Variants in EFCAB14 observed in about 807,000 individuals in gnomAD.
EFCAB14 encodes the protein EF-hand calcium-binding domain-containing protein 14.
EFCAB14 carries 43 observed loss-of-function variants against 56.5 expected under a neutral mutation model. The observed-to-expected ratio is 0.76, with a 90% confidence interval of 0.60 to 0.98. The LOEUF is 0.98. EFCAB14 is among the 50% of genes least tolerant of loss of function. EFCAB14 has a pLI of 0.00. For missense variants in EFCAB14, 538 were observed against 580.3 expected (o/e 0.93, Z 0.75); for synonymous variants, 235 against 212.9 (o/e 1.10, Z -0.90).
chr1:46,694,649 C>A (rs1010673658), intron 4 of EFCAB14, among the ~76,000 whole-genome samples: 7 of 152,164 alleles, frequency 4.6e-5, no homozygotes, highest in South Asian at 4.1e-4. Flanking sequence ...ACTAGTTCAA[C>A]CATTGTGGAA....
intron 2 of EFCAB14, among the ~76,000 whole-genome samples, chr1:46,712,973 C>T (rs1057088141): frequency 2.0e-5 from 3 of 151,944 alleles, no homozygotes; most frequent in Non-Finnish European, 4.4e-5. Flanking sequence ...GAGATCATGC[C>T]ATTGCACTCC....
intron 3 of EFCAB14, among the ~76,000 whole-genome samples, chr1:46,705,337 A>C (rs1198254204): frequency 6.6e-6 from 1 of 152,228 alleles, no homozygotes; most frequent in African/African-American, 2.4e-5. Context: ...GTTTCACTGC[A>C]ATCTCTTCCA....
At chr1:46,679,261 T>A (rs1676748445) in intron 10 of EFCAB14, among the ~76,000 whole-genome samples, 1 of 152,200 alleles carries the variant, frequency 6.6e-6, no homozygotes, top group Non-Finnish European at 1.5e-5. Flanking sequence ...GAAAGTAACT[T>A]GCCTACGGTC....
chr1:46,684,559 T>C lies in EFCAB14; in HGVS notation c.1118A>G (p.Lys373Arg), dbSNP rs753006251. 1.7e-4 allele frequency: 280 copies of C among 1,614,028 alleles called. No homozygotes were observed. Among genetic ancestry groups the C allele is most frequent in the Non-Finnish European group, 2.3e-4 (276 of 1,180,002 alleles). Residue 373 changes from lysine (K) to arginine (R), a missense_variant, in exon 9 of 11, where the codon AAA (lysine) becomes AGA (arginine). Physicochemically the swap from Lys to Arg is conservative, Grantham distance 26. Transcript: ENST00000371933. ...SNSQVSKLRE[K>R]LQLISALTNK... ...TGTAAGAGCACTGATCAGCTGGAGT[T>C]TCTCTCTTAGCTTGGATACCTGAGA...
chr1:46,703,388 A>C (rs577871681), intron 3 of EFCAB14, among the ~76,000 whole-genome samples: 1 of 152,330 alleles, frequency 6.6e-6, no homozygotes, highest in South Asian at 2.1e-4. Context: ...GATTATAGGC[A>C]TAAGCCACTG....
At position 46,677,521 on chromosome 1, in the gene EFCAB14, C is replaced by T. The variant is rs1676714648; in HGVS notation, c.*940G>A. On this transcript the variant is annotated 3_prime_UTR_variant, in exon 11 of 11. Transcript: ENST00000371933. ...GAGATAATGGCTGGGGGAATTTAGCCCTGCCATTCAAATGGAGATGGTACT... is the reference window on the plus strand; with the variant it reads ...GAGATAATGGCTGGGGGAATTTAGCTCTGCCATTCAAATGGAGATGGTACT... The T allele has an allele frequency of 6.6e-6, 1 of 151,900 alleles. No homozygotes were observed. Among genetic ancestry groups the T allele is most frequent in the African/African-American group, 2.4e-5 (1 of 41,314 alleles). 9.4% of individuals were successfully genotyped at this position (151,900 alleles called of 1,614,324 possible). A position where few individuals can be genotyped will look rare whatever the true frequency, so the allele number is the denominator to read the frequency against.
chr1:46,711,105 G>C (rs1237909743), intron 2 of EFCAB14, among the ~76,000 whole-genome samples: 2 of 152,208 alleles, frequency 1.3e-5, no homozygotes, highest in Non-Finnish European at 2.9e-5. Flanking sequence ...AAACATGGGG[G>C]TGTGGATGTT....
chr1:46,679,339 C>A (rs1041614761), intron 10 of EFCAB14, among the ~76,000 whole-genome samples: 1 of 152,174 alleles, frequency 6.6e-6, no homozygotes, highest in Non-Finnish European at 1.5e-5. Flanking sequence ...CTCACTCTGT[C>A]GCCCACGCTG....
In EFCAB14 at chr1:46,718,097, T is replaced by C; in HGVS notation, c.-10A>G. On this transcript the variant is annotated 5_prime_UTR_variant, in exon 1 of 11. Coordinates refer to ENST00000371933, the MANE Select transcript of EFCAB14 (RefSeq NM_014774.3). ...CTTTGCGCTTTTTCATCTTTTTGTG[T>C]GGGGTGAGTGGAGCCCCGACTCCTG... 6.2e-7 allele frequency: 1 copy of C among 1,612,626 alleles called. No individual in the cohort carries two copies. The highest frequency in any genetic ancestry group is 2.2e-5 in the East Asian group (1 of 44,830).
In EFCAB14 at chr1:46,675,413, T is replaced by C. The variant is rs1183183207; in HGVS notation, c.*3048A>G. The C allele has an allele frequency of 1.3e-5, 2 of 152,568 alleles. No individual in the cohort carries two copies. Among genetic ancestry groups the C allele is most frequent in the African/African-American group, 4.8e-5 (2 of 41,422 alleles). The allele number at this position is 152,568 out of a possible 1,614,324, so 9.5% of individuals were successfully genotyped here. On this transcript the variant is annotated 3_prime_UTR_variant, in exon 11 of 11. Coordinates refer to ENST00000371933, the MANE Select transcript of EFCAB14 (RefSeq NM_014774.3). ...CTATAAAGTCTCAGGAATACCCAAA[T>C]GTGTTCTGGTTTGGATATGAAAGAG...
intron 1 of EFCAB14, 90 bp downstream of exon 1, chr1:46,717,813 T>C (rs1017809340): frequency 8.4e-6 from 12 of 1,426,322 alleles, no homozygotes; most frequent in Non-Finnish European, 1.1e-5. Flanking sequence ...TTTTTCTTCC[T>C]AAGGACTTCC....
intron 3 of EFCAB14, among the ~76,000 whole-genome samples, chr1:46,706,537 G>C (rs1421000753): frequency 6.6e-6 from 1 of 152,114 alleles, no homozygotes; most frequent in Non-Finnish European, 1.5e-5. Context: ...CTCTCAGAAT[G>C]GTAAACTGCA....
At chr1:46,684,676 A>G in intron 8 of EFCAB14, 74 bp from the exon 9 acceptor site, 1 of 1,237,654 alleles carries the variant, frequency 8.1e-7, no homozygotes, top group Non-Finnish European at 1.2e-6. Context: ...GTATTCCCAG[A>G]GCCTGTTTAG....
chr1:46,679,599 GTTTTTTTTTTTTT>G (rs60875639), intron 10 of EFCAB14, among the ~76,000 whole-genome samples: 251 of 36,516 alleles, frequency 6.9e-3, no homozygotes, highest in Non-Finnish European at 0.011. Flanking sequence ...CACCACGCCT[GTTTTTTTTTTTTT>G]TTTTTTTTTT....
At chr1:46,696,725 G>A (rs941193144) in intron 3 of EFCAB14, 76 bp from the exon 4 acceptor site, 12 of 1,327,756 alleles carry the variant, frequency 9.0e-6, no homozygotes, top group African/African-American at 2.9e-5. Context: ...CAAACTCTAC[G>A]GTTGGTGATG....
intron 10 of EFCAB14, chr1:46,682,198 A>C (rs1439865514): frequency 6.6e-6 from 1 of 152,250 alleles, no homozygotes; most frequent in African/African-American, 2.4e-5. Flanking sequence ...CAACAGAGTG[A>C]CATGTGCTAA....
intron 5 of EFCAB14, among the ~76,000 whole-genome samples, chr1:46,691,540 CA>C: frequency 2.0e-5 from 3 of 152,276 alleles, no homozygotes; most frequent in Admixed American, 2.0e-4. Context: ...GACACTTTTC[CA>C]CTTCCTTTCC....
At chr1:46,706,165 C>A (rs940926348) in intron 3 of EFCAB14, among the ~76,000 whole-genome samples, 2 of 152,154 alleles carry the variant, frequency 1.3e-5, no homozygotes, top group African/African-American at 2.4e-5. Flanking sequence ...CCACACCTGA[C>A]CTTAAGTCTT....
At chr1:46,679,366 T>A (rs945250490) in intron 10 of EFCAB14, among the ~76,000 whole-genome samples, 1 of 152,180 alleles carries the variant, frequency 6.6e-6, no homozygotes, top group African/African-American at 2.4e-5. Flanking sequence ...AGTGGCGCGA[T>A]CTTGGTTCAC....
Sources: gnomAD v4.1 joint callset for allele counts (sites outside exome capture counted in the v4.1 genomes callset) on GRCh38, gnomAD v4.1.1 for gene constraint, MANE v1.5 for transcripts, NCBI Gene and HGNC (gene_info 2026-07-23, HGNC 2026-07-21) for gene names.